Variants in WWOX observed in about 807,000 individuals in gnomAD.
WWOX encodes WW domain-containing oxidoreductase.
Under a neutral mutation model 46.2 loss-of-function variants are expected in WWOX, and 69 were observed. The observed-to-expected ratio is 1.49, with a 90% CI of 1.23 to 1.82. The LOEUF is 1.82. WWOX is among the 40% of genes most tolerant of loss of function. WWOX has a pLI of 0.00. For synonymous variants in WWOX, 359 were observed against 202.6 expected (o/e 1.77, Z -6.56); for missense variants, 919 against 542.6 (o/e 1.69, Z -6.89).
At chr16:78,997,649 C>A (rs370339132) in intron 8 of WWOX, among the ~76,000 whole-genome samples, 5 of 152,190 alleles carry the variant, frequency 3.3e-5, no homozygotes, top group African/African-American at 1.2e-4. Flanking sequence ...GTATTTATTT[C>A]CTCCCTCCCT....
At chr16:78,433,777 C>CT (rs547236644) in intron 8 of WWOX, among the ~76,000 whole-genome samples, 4,616 of 84,370 alleles carry the variant, frequency 0.055, 1,017 homozygotes, top group Non-Finnish European at 0.067. Flanking sequence ...TTGGGGATGA[C>CT]TTTTTTTTTT....
At chr16:78,274,368 A>T (rs1004031970) in intron 5 of WWOX, among the ~76,000 whole-genome samples, 7 of 152,166 alleles carry the variant, frequency 4.6e-5, no homozygotes. Flanking sequence ...AATGCATATT[A>T]TAGTAATTTC....
At chr16:78,243,520 C>T (rs1439104510) in intron 5 of WWOX, among the ~76,000 whole-genome samples, 1 of 152,018 alleles carries the variant, frequency 6.6e-6, no homozygotes, top group Non-Finnish European at 1.5e-5. Flanking sequence ...CTTCCACCCT[C>T]TACCCTCCAG....
At chr16:79,072,304 A>T (rs1226214873) in intron 8 of WWOX, among the ~76,000 whole-genome samples, 1 of 152,026 alleles carries the variant, frequency 6.6e-6, no homozygotes, top group African/African-American at 2.4e-5. Context: ...CAAAAACAGA[A>T]AACAGTATTC....
At chr16:78,470,428 C>T (rs545752792) in intron 8 of WWOX, among the ~76,000 whole-genome samples, 1 of 152,152 alleles carries the variant, frequency 6.6e-6, no homozygotes, top group Admixed American at 6.6e-5. Flanking sequence ...TTGGAGATAA[C>T]CAGAAATAAC....
At chr16:78,688,389 C>A (rs531732414) in intron 8 of WWOX, among the ~76,000 whole-genome samples, 1 of 151,364 alleles carries the variant, frequency 6.6e-6, no homozygotes, top group South Asian at 2.1e-4. Context: ...AAAAAAGATC[C>A]TGACAAATCC....
chr16:78,839,119 T>A lies in WWOX; in HGVS notation c.1057-372489T>A. Among the ~76,000 whole-genome samples the A allele has an allele frequency of 1.3e-5, 2 of 152,320 alleles. 1 individual carries two copies. Among genetic ancestry groups the A allele is most frequent in the South Asian group, 4.1e-4 (2 of 4,822 alleles). On this transcript the variant is annotated intron_variant, in intron 8 of 8. Coordinates refer to ENST00000566780, the MANE Select transcript of WWOX (RefSeq NM_016373.4). ...TCTTGACTGCATGTGAATCTACACTTATCTCAAAAATAAAAACTTTCATTA... is the reference window on the plus strand; with the variant it reads ...TCTTGACTGCATGTGAATCTACACTAATCTCAAAAATAAAAACTTTCATTA...
chr16:79,022,075 C>A (rs1002987000), intron 8 of WWOX, among the ~76,000 whole-genome samples: 1 of 152,168 alleles, frequency 6.6e-6, no homozygotes, highest in Non-Finnish European at 1.5e-5. Context: ...GATGGGGATG[C>A]CAAGTACCCT....
Position 78,433,748 on chromosome 16 carries a change from C to T in WWOX, c.1056+996C>T, listed in dbSNP as rs1315129037. Among the ~76,000 whole-genome samples, 11 of 151,678 alleles carry T rather than the reference C, an allele frequency of 7.3e-5. No homozygotes were observed. The South Asian group carries it at 2.1e-3, about 29-fold the overall frequency. Reference sequence around the variant, plus strand: ...CTTCTCTTACACTCATTCCCACCTGCCACCCTTAACCTTCGTATTTGGGGA... The same window carrying T: ...CTTCTCTTACACTCATTCCCACCTGTCACCCTTAACCTTCGTATTTGGGGA... On this transcript the variant is annotated intron_variant, in intron 8 of 8. Transcript: ENST00000566780.
chr16:79,164,365 T>C (rs780149239), intron 8 of WWOX, among the ~76,000 whole-genome samples: 1 of 152,110 alleles, frequency 6.6e-6, no homozygotes, highest in African/African-American at 2.4e-5. Context: ...CACTTCCACA[T>C]TGAGTGAATT....
chr16:78,555,503 A>G (rs1423145673), intron 8 of WWOX, among the ~76,000 whole-genome samples: 5 of 151,446 alleles, frequency 3.3e-5, no homozygotes, highest in Non-Finnish European at 7.4e-5. Flanking sequence ...CAGTAGCAAC[A>G]TCGATGTCTC....
chr16:78,943,017 G>A (rs9930944), intron 8 of WWOX, among the ~76,000 whole-genome samples: 47 of 152,202 alleles, frequency 3.1e-4, no homozygotes, highest in Non-Finnish European at 1.0e-4. Flanking sequence ...GCCTTTCTGC[G>A]TTTATTTTTG....
intron 8 of WWOX, among the ~76,000 whole-genome samples, chr16:79,001,829 T>G (rs1190182707): frequency 6.6e-6 from 1 of 152,152 alleles, no homozygotes; most frequent in Non-Finnish European, 1.5e-5. Context: ...GAGGTGCTTA[T>G]GTAATAACTG....
chr16:78,495,518 T>C (rs2084895198), intron 8 of WWOX, among the ~76,000 whole-genome samples: 1 of 151,442 alleles, frequency 6.6e-6, no homozygotes, highest in Admixed American at 6.6e-5. Context: ...GTCTTTTTTT[T>C]TTTTTTTGGA....
At chr16:79,020,705 T>G (rs1274457972) in intron 8 of WWOX, among the ~76,000 whole-genome samples, 1 of 152,178 alleles carries the variant, frequency 6.6e-6, no homozygotes, top group Non-Finnish European at 1.5e-5. Flanking sequence ...GTGAGTAGGA[T>G]AAAGCTCTGT....
intron 5 of WWOX, among the ~76,000 whole-genome samples, chr16:78,367,380 A>G (rs1266573107): frequency 6.7e-6 from 1 of 149,228 alleles, no homozygotes; most frequent in Non-Finnish European, 1.5e-5. Flanking sequence ...AAATGTATAA[A>G]CTTGCTTAAA....
chr16:78,958,096 T>C lies in WWOX; in HGVS notation c.1057-253512T>C, dbSNP rs138500282. On this transcript the variant is annotated intron_variant, in intron 8 of 8. Coordinates refer to ENST00000566780, the MANE Select transcript of WWOX (RefSeq NM_016373.4). Reference sequence around the variant, plus strand: ...CTGGGTCTTGGAATCTGAGCCTTCATATTCTCCGATATATTATTTGGTCCT... The same window carrying C: ...CTGGGTCTTGGAATCTGAGCCTTCACATTCTCCGATATATTATTTGGTCCT... 2.5e-3 allele frequency among the ~76,000 whole-genome samples: 385 copies of C among 152,318 alleles called. 1 individual carries two copies. The highest frequency in any genetic ancestry group is 9.1e-3 in the African/African-American group (377 of 41,578).
Position 78,718,214 on chromosome 16 carries a change from A to G in WWOX, c.1056+285462A>G, listed in dbSNP as rs546809871. ...ATTGGTTTGGGTACTTAATTTGCACATTTGTAAACAATTATGTAGTTACAC... is the reference window on the plus strand; with the variant it reads ...ATTGGTTTGGGTACTTAATTTGCACGTTTGTAAACAATTATGTAGTTACAC... On this transcript the variant is annotated intron_variant, in intron 8 of 8. Transcript: ENST00000566780. Among the ~76,000 whole-genome samples the G allele has an allele frequency of 9.9e-5, 15 of 151,920 alleles. No homozygotes were observed. In the South Asian group the frequency reaches 2.7e-3, roughly 27 times the overall value.
intron 6 of WWOX, 136 bp from the exon 7 acceptor site, chr16:78,424,734 T>C: frequency 9.8e-7 from 1 of 1,018,520 alleles, no homozygotes. Flanking sequence ...GAGAAAGAAT[T>C]TCTCATTCCC....
Sources: gnomAD v4.1 joint callset for allele counts (sites outside exome capture counted in the v4.1 genomes callset) on GRCh38, gnomAD v4.1.1 for gene constraint, MANE v1.5 for transcripts, NCBI Gene and HGNC (gene_info 2026-07-23, HGNC 2026-07-21) for gene names.